The following GTF3C1 variants were observed in gnomAD, a reference collection of about 807,000 sequenced individuals.
GTF3C1 encodes the protein general transcription factor IIIC subunit 1, also known as general transcription factor 3C polypeptide 1.
Under a neutral mutation model 226.7 loss-of-function variants are expected in GTF3C1, and 57 were observed. That is an observed-to-expected ratio of 0.25 (90% CI 0.20 to 0.31). GTF3C1 has a LOEUF of 0.31. GTF3C1 is among the 10% of genes least tolerant of loss of function. GTF3C1 has a pLI of 1.00. For synonymous variants in GTF3C1, 1,090 were observed against 1,084.8 expected, an observed-to-expected ratio of 1.00 and a Z score of -0.09; for missense variants, 2,217 against 2,776.1, an observed-to-expected ratio of 0.80 and a Z score of 4.53.
At chr16:27,464,887 C>A (rs778470418) in intron 33 of GTF3C1, 51 bp from the exon 34 acceptor site, 19 of 1,419,992 alleles carry the variant, frequency 1.3e-5, no homozygotes, top group Non-Finnish European at 1.8e-5. Flanking sequence ...GGATCCTCCA[C>A]GCTGGTGACG....
intron 7 of GTF3C1, among the ~76,000 whole-genome samples, chr16:27,510,313 G>C (rs1299893861): frequency 6.6e-6 from 1 of 152,062 alleles, no homozygotes; most frequent in African/African-American, 2.4e-5. Context: ...GTGAACCCAG[G>C]AGGCGGAGCT....
intron 10 of GTF3C1, 76 bp downstream of exon 10, chr16:27,505,823 G>T: frequency 2.3e-6 from 2 of 852,848 alleles, no homozygotes; most frequent in African/African-American, 1.7e-5. Flanking sequence ...CTGTGATCAT[G>T]TGATTCCTAA....
At chr16:27,481,777 G>T (rs1226453808) in intron 26 of GTF3C1, among the ~76,000 whole-genome samples, 2 of 152,220 alleles carry the variant, frequency 1.3e-5, no homozygotes, top group African/African-American at 2.4e-5. Context: ...GCATCTGGCT[G>T]CTGTGCCTGC....
At chr16:27,508,800 C>T (rs1231114076) in intron 7 of GTF3C1, 145 bp from the exon 8 acceptor site, 13 of 636,492 alleles carry the variant, frequency 2.0e-5, no homozygotes, top group Non-Finnish European at 3.6e-5. Context: ...TCTCCCTTAT[C>T]CTCCCAAGCG....
rs992155403 is a variant in GTF3C1 at position 27,510,385 on chromosome 16, C to T, written c.1126+1364G>A. Among the ~76,000 whole-genome samples, 9 of 140,822 alleles carry T rather than the reference C, an allele frequency of 6.4e-5. No individual in the cohort carries two copies. The East Asian group carries it at 1.2e-3, about 19-fold the overall frequency. The allele number at this position is 140,822 out of a possible 152,430, so 92.4% of individuals were successfully genotyped here. A position where few individuals can be genotyped will look rare whatever the true frequency, so the allele number is the denominator to read the frequency against. Reference sequence around the variant, plus strand: ...TGGGCGACACAGCGAGACTCCATCTCAAAAAAAAAAAGAAATACAAAATTA... The same window carrying T: ...TGGGCGACACAGCGAGACTCCATCTTAAAAAAAAAAAGAAATACAAAATTA... On this transcript the variant is annotated intron_variant, in intron 7 of 36. Coordinates refer to ENST00000356183, the MANE Select transcript of GTF3C1 (RefSeq NM_001520.4).
rs141174637 is a variant in GTF3C1 at position 27,478,519 on chromosome 16, C to T, written c.4209G>A (p.Leu1403=). ...LQELFARYRV[L]AIGDEKDQTR... ...TTTGATCTTTTTCATCCCCAATTGC[C>T]AAAACTCGGTACCTGCAAAAGAAAC... The change falls in exon 28 of 37, where the codon TTG becomes TTA. Residue 1403 remains leucine, a synonymous_variant. Coordinates refer to ENST00000356183, the MANE Select transcript of GTF3C1 (RefSeq NM_001520.4). 6.2e-7 allele frequency: 1 copy of T among 1,611,272 alleles called. No individual in the cohort carries two copies. Among genetic ancestry groups the T allele is most frequent in the African/African-American group, 1.3e-5 (1 of 74,828 alleles).
At chr16:27,483,876 A>C (rs1348609642) in intron 25 of GTF3C1, among the ~76,000 whole-genome samples, 1 of 152,202 alleles carries the variant, frequency 6.6e-6, no homozygotes, top group Non-Finnish European at 1.5e-5. Flanking sequence ...CAGCAGGAAA[A>C]GCCAGCCTCT....
Position 27,492,887 on chromosome 16 carries a change from A to C in GTF3C1, c.2877-174T>G, listed in dbSNP as rs568444151. 6.6e-6 allele frequency among the ~76,000 whole-genome samples: 1 copy of C among 151,880 alleles called. No homozygotes were observed. Among genetic ancestry groups the C allele is most frequent in the East Asian group, 1.9e-4 (1 of 5,154 alleles). The stretch of plus-strand genomic sequence containing the variant: ...AAGGCCCAGAACTACCCAACCTAAC[A>C]CCCAACCAGGGCCACAGAGATCAAC... On this transcript the variant is annotated intron_variant, in intron 17 of 36. Transcript: ENST00000356183. The surrounding 1 kb of genome is among the most constrained non-coding windows in gnomAD (Gnocchi z 5.0).
intron 14 of GTF3C1, among the ~76,000 whole-genome samples, chr16:27,496,449 G>A (rs1007744002): frequency 1.3e-5 from 2 of 152,324 alleles, no homozygotes; most frequent in Admixed American, 1.3e-4. Flanking sequence ...GTCTCGCTCT[G>A]TTGCCCAGGC....
intron 27 of GTF3C1, among the ~76,000 whole-genome samples, chr16:27,480,432 G>A (rs2088026139): frequency 6.6e-6 from 1 of 152,154 alleles, no homozygotes; most frequent in Admixed American, 6.5e-5. Flanking sequence ...CAGTGGGTGA[G>A]ACATACATTA....
intron 16 of GTF3C1, 130 bp from the exon 17 acceptor site, chr16:27,493,426 C>A: frequency 3.1e-6 from 2 of 637,510 alleles, no homozygotes; most frequent in Admixed American, 2.2e-5. Context: ...CTCCTTCCTG[C>A]CCCACCAAGT....
rs2087865419 is a variant in GTF3C1, at chr16:27,471,328, C to T, written c.4526+420G>A. On this transcript the variant is annotated intron_variant, in intron 30 of 36. Transcript: ENST00000356183. The surrounding 1 kb of genome is among the most constrained non-coding windows in gnomAD (Gnocchi z 5.0). ...CCCCAGGAGGATGCCTGTCTGAATGCACCTCCGCACCCCAATCCTGCACTG... is the reference window on the plus strand; with the variant it reads ...CCCCAGGAGGATGCCTGTCTGAATGTACCTCCGCACCCCAATCCTGCACTG... 6.6e-6 allele frequency among the ~76,000 whole-genome samples: 1 copy of T among 152,222 alleles called. No homozygotes were observed. Among genetic ancestry groups the T allele is most frequent in the African/African-American group, 2.4e-5 (1 of 41,454 alleles).
At chr16:27,548,000 G>A (rs1216056479) in intron 1 of GTF3C1, among the ~76,000 whole-genome samples, 1 of 152,134 alleles carries the variant, frequency 6.6e-6, no homozygotes, top group East Asian at 1.9e-4. Context: ...TTCTTCCCTT[G>A]CTAGTTGACT....
At chr16:27,513,420 C>A (rs1185020243) in intron 6 of GTF3C1, among the ~76,000 whole-genome samples, 1 of 152,198 alleles carries the variant, frequency 6.6e-6, no homozygotes, top group Non-Finnish European at 1.5e-5. Context: ...CACCACTGCA[C>A]TCCAGCCTAG....
At position 27,464,351 on chromosome 16, in the gene GTF3C1, C is replaced by T. The variant is rs778250475; in HGVS notation, c.5841G>A (p.Ala1947=). The T allele has an allele frequency of 2.1e-5, 32 of 1,543,340 alleles. No homozygotes were observed. The highest frequency in any genetic ancestry group is 4.2e-5 in the Admixed American group (2 of 47,604). ...SPGQEQLSGQ[A]QPPEGSEDPR... ...GGTCTTCAGAGCCCTCTGGAGGCTG[C>T]GCCTGGCCGCTCAGCTGCTCTTGGC... Residue 1947 remains alanine, a synonymous_variant, in exon 34 of 37, where the codon GCG becomes GCA. Coordinates refer to ENST00000356183, the MANE Select transcript of GTF3C1 (RefSeq NM_001520.4).
chr16:27,523,433 A>G (rs2088782215), intron 6 of GTF3C1, among the ~76,000 whole-genome samples: 1 of 152,086 alleles, frequency 6.6e-6, no homozygotes, highest in Admixed American at 6.6e-5. Flanking sequence ...GAAATAATAC[A>G]TCATCTTTAT....
chr16:27,473,722 G>C (rs1007604391), intron 29 of GTF3C1, among the ~76,000 whole-genome samples: 2 of 152,212 alleles, frequency 1.3e-5, no homozygotes, highest in Non-Finnish European at 2.9e-5. Context: ...TCCCTGGAGC[G>C]TATCTGAATG....
At chr16:27,511,150 T>C (rs958086192) in intron 7 of GTF3C1, among the ~76,000 whole-genome samples, 2 of 152,160 alleles carry the variant, frequency 1.3e-5, no homozygotes, top group Admixed American at 1.3e-4. Context: ...TGTAGCTCAG[T>C]GGACTAAGTG....
Position 27,462,624 on chromosome 16 carries a change from T to C in GTF3C1, c.5925-138A>G. 2 of 641,686 alleles carry C rather than the reference T, an allele frequency of 3.1e-6. No homozygotes were observed. Among genetic ancestry groups the C allele is most frequent in the South Asian group, 1.9e-5 (1 of 53,456 alleles). 39.7% of individuals were successfully genotyped at this position (641,686 alleles called of 1,614,324 possible). ...GACCAGCCACCTCTTGCTCTCTGCT[T>C]TCCAAACTCCCTGCTTCTCTCCTGT... On this transcript the variant is annotated intron_variant, in intron 35 of 36. Coordinates refer to ENST00000356183, the MANE Select transcript of GTF3C1 (RefSeq NM_001520.4). The surrounding 1 kb of genome is among the most constrained non-coding windows in gnomAD (Gnocchi z 4.5).
Sources: gnomAD v4.1 joint callset for allele counts (sites outside exome capture counted in the v4.1 genomes callset) on GRCh38, gnomAD v4.1.1 for gene constraint, Gnocchi (gnomAD v3.1) non-coding constraint, MANE v1.5 for transcripts, NCBI Gene and HGNC (gene_info 2026-07-23, HGNC 2026-07-21) for gene names.